The following TEAD1 variants were observed in gnomAD, a reference collection of about 807,000 sequenced individuals.
The protein encoded by TEAD1 is transcriptional enhancer factor TEF-1.
Under a neutral mutation model 54.9 loss-of-function variants are expected in TEAD1, and 9 were observed. The observed-to-expected ratio is 0.16, with a 90% CI of 0.10 to 0.29. The LOEUF (loss-of-function observed/expected upper bound fraction) is 0.29. Ranked by LOEUF, TEAD1 falls within the 10% of genes least tolerant of loss-of-function variation. The pLI is 1.00. For synonymous variants in TEAD1, 200 were observed against 187.8 expected (o/e 1.07, Z -0.53); for missense variants, 387 against 535.9 (o/e 0.72, Z 2.74).
At chr11:12,833,979 A>G (rs900200660) in intron 3 of TEAD1, among the ~76,000 whole-genome samples, 1 of 152,170 alleles carries the variant, frequency 6.6e-6, no homozygotes. Flanking sequence ...ACAGGCAGTT[A>G]TGTAAGGACT....
chr11:12,697,286 C>A (rs1226540744), intron 2 of TEAD1, among the ~76,000 whole-genome samples: 4 of 152,012 alleles, frequency 2.6e-5, no homozygotes, highest in Admixed American at 1.3e-4. Context: ...GTTAGGGAAT[C>A]TCGAAAATCA....
chr11:12,824,458 A>C (rs992030500), intron 3 of TEAD1, among the ~76,000 whole-genome samples: 2 of 152,166 alleles, frequency 1.3e-5, no homozygotes, highest in African/African-American at 4.8e-5. Context: ...GGGGAATCTA[A>C]ACTTTCACCT....
intron 11 of TEAD1, among the ~76,000 whole-genome samples, chr11:12,927,952 G>T (rs777222876): frequency 2.0e-5 from 3 of 152,012 alleles, no homozygotes; most frequent in African/African-American, 7.2e-5. Flanking sequence ...TTGGTGTTTT[G>T]CCCTTTAGGA....
At chr11:12,902,217 A>G in intron 10 of TEAD1, 104 bp downstream of exon 10, 1 of 1,454,306 alleles carries the variant, frequency 6.9e-7, no homozygotes, top group Non-Finnish European at 9.7e-7. Flanking sequence ...CACTGAGTGC[A>G]CCTTCATGTG....
At chr11:12,892,033 G>A (rs958438996) in intron 9 of TEAD1, among the ~76,000 whole-genome samples, 2 of 152,242 alleles carry the variant, frequency 1.3e-5, no homozygotes, top group African/African-American at 2.4e-5. Flanking sequence ...TCCCCTCTGG[G>A]GGACTGGCAG....
At chr11:12,865,002 G>A (rs993655119) in intron 5 of TEAD1, 102 bp downstream of exon 5, 2 of 1,317,524 alleles carry the variant, frequency 1.5e-6, no homozygotes. Context: ...TCGTAACCTA[G>A]TTTCCTTGCA....
intron 2 of TEAD1, among the ~76,000 whole-genome samples, chr11:12,714,174 A>G (rs1184180331): frequency 2.0e-5 from 3 of 152,150 alleles, no homozygotes; most frequent in Non-Finnish European, 2.9e-5. Flanking sequence ...TCAGGGCGGT[A>G]GCTGGGAGAA....
intron 3 of TEAD1, among the ~76,000 whole-genome samples, chr11:12,796,562 A>C (rs908633702): frequency 6.6e-6 from 1 of 151,686 alleles, no homozygotes; most frequent in Non-Finnish European, 1.5e-5. Context: ...CAGTCTCCAC[A>C]AAAAATACAA....
chr11:12,736,113 C>T (rs56825631), intron 2 of TEAD1, among the ~76,000 whole-genome samples: 15,836 of 152,146 alleles, frequency 0.1, 2,865 homozygotes, highest in African/African-American at 0.36. Flanking sequence ...ATGATTGTGA[C>T]AATTGTTTAC....
At chr11:12,789,741 G>A (rs1352870010) in intron 3 of TEAD1, among the ~76,000 whole-genome samples, 1 of 152,250 alleles carries the variant, frequency 6.6e-6, no homozygotes. Context: ...TGCAGCATGT[G>A]GAAGCCCGAG....
intron 2 of TEAD1, among the ~76,000 whole-genome samples, chr11:12,684,252 G>A (rs776191497): frequency 1.3e-5 from 2 of 152,154 alleles, no homozygotes; most frequent in Non-Finnish European, 2.9e-5. Context: ...CAGTAAATAC[G>A]TAATATTTGA....
At chr11:12,706,057 A>G (rs557934094) in intron 2 of TEAD1, among the ~76,000 whole-genome samples, 24 of 152,382 alleles carry the variant, frequency 1.6e-4, no homozygotes, top group African/African-American at 4.8e-4. Context: ...TAGAGTATCA[A>G]TGATGAAATT....
intron 2 of TEAD1, among the ~76,000 whole-genome samples, chr11:12,739,939 C>G (rs1170220075): frequency 6.6e-6 from 1 of 152,136 alleles, no homozygotes; most frequent in African/African-American, 2.4e-5. Flanking sequence ...ACAGGTAACA[C>G]AAACAAAAGC....
intron 2 of TEAD1, among the ~76,000 whole-genome samples, chr11:12,716,154 G>C (rs938523024): frequency 2.6e-5 from 4 of 152,062 alleles, no homozygotes; most frequent in African/African-American, 4.8e-5. Flanking sequence ...AGGGATGGGA[G>C]GGGGAGCAGT....
intron 2 of TEAD1, among the ~76,000 whole-genome samples, chr11:12,759,028 CA>C (rs1350629163): frequency 6.6e-6 from 1 of 151,832 alleles, no homozygotes; most frequent in Non-Finnish European, 1.5e-5. Flanking sequence ...GAGACACTGG[CA>C]AAAACAAGCC....
chr11:12,720,622 C>T (rs1944175098), intron 2 of TEAD1, among the ~76,000 whole-genome samples: 1 of 152,116 alleles, frequency 6.6e-6, no homozygotes, highest in Non-Finnish European at 1.5e-5. Context: ...GATTTGAATC[C>T]AAGCCAATTT....
chr11:12,916,051 T>A (rs1948706777), intron 10 of TEAD1, among the ~76,000 whole-genome samples: 1 of 152,150 alleles, frequency 6.6e-6, no homozygotes, highest in South Asian at 2.1e-4. Flanking sequence ...TGCCCATCAT[T>A]GAAACCGGCT....
intron 1 of TEAD1, among the ~76,000 whole-genome samples, 172 bp from the exon 2 acceptor site, chr11:12,675,237 G>A (rs1943055206): frequency 6.6e-6 from 1 of 151,804 alleles, no homozygotes. Context: ...GGGCAGAGCC[G>A]CCGCCTCGGA....
At chr11:12,879,062 C>T (rs774795930) in intron 5 of TEAD1, among the ~76,000 whole-genome samples, 3 of 152,170 alleles carry the variant, frequency 2.0e-5, no homozygotes, top group Non-Finnish European at 2.9e-5. Context: ...GGCTTCAGTA[C>T]GAACCCACGT....
Sources: gnomAD v4.1 joint callset for allele counts (sites outside exome capture counted in the v4.1 genomes callset) on GRCh38, gnomAD v4.1.1 for gene constraint, MANE v1.5 for transcripts, NCBI Gene and HGNC (gene_info 2026-07-23, HGNC 2026-07-21) for gene names.